Variants in WIPF3 observed in about 807,000 individuals in gnomAD.
WIPF3 encodes the protein WAS/WASL-interacting protein family member 3.
WIPF3 carries 33 observed loss-of-function variants against 38.9 expected under a neutral mutation model. The observed-to-expected ratio is 0.85, with a 90% CI of 0.64 to 1.14. The LOEUF (loss-of-function observed/expected upper bound fraction) is 1.14, where lower values mean the gene tolerates loss of function less well. Ranked by LOEUF, WIPF3 falls within the 50% of genes most tolerant of loss-of-function variation. WIPF3 has a pLI of 0.00. For missense variants in WIPF3, 711 were observed against 652.5 expected (o/e 1.09, Z -0.98); for synonymous variants, 324 against 269.3 (o/e 1.20, Z -1.99).
At chr7:29,900,444 C>T (rs1473985645) in intron 7 of WIPF3, among the ~76,000 whole-genome samples, 15 of 152,146 alleles carry the variant, frequency 9.9e-5, no homozygotes, top group Non-Finnish European at 1.5e-4. Flanking sequence ...AAGTGAGGTC[C>T]GCTGGTATGC....
chr7:29,831,231 G>A (rs765473277), intron 1 of WIPF3, among the ~76,000 whole-genome samples: 6 of 152,358 alleles, frequency 3.9e-5, no homozygotes, highest in African/African-American at 1.2e-4. Flanking sequence ...AGGCCGTGAT[G>A]TGCCTTATGG....
At chr7:29,841,828 A>G (rs1784917672) in intron 2 of WIPF3, among the ~76,000 whole-genome samples, 1 of 152,308 alleles carries the variant, frequency 6.6e-6, no homozygotes, top group Non-Finnish European at 1.5e-5. Flanking sequence ...ATAAAATCCA[A>G]TATCAATGTC....
At chr7:29,912,503 A>G (rs923233919) in intron 8 of WIPF3, 1 of 199,138 alleles carries the variant, frequency 5.0e-6, no homozygotes, top group African/African-American at 2.3e-5. Context: ...ATTATTTACA[A>G]TAGCTAAAAT....
intron 8 of WIPF3, among the ~76,000 whole-genome samples, chr7:29,911,448 A>C (rs778060262): frequency 3.3e-5 from 5 of 152,124 alleles, no homozygotes; most frequent in African/African-American, 7.2e-5. Context: ...ATGGAATCTC[A>C]AGGAACTCCT....
chr7:29,830,078 T>C (rs1042183230), intron 1 of WIPF3, among the ~76,000 whole-genome samples: 42 of 146,698 alleles, frequency 2.9e-4, no homozygotes, highest in African/African-American at 1.0e-3. Context: ...CTTCTTTAGA[T>C]AATTGCTTAA....
At position 29,806,536 on chromosome 7, in the gene WIPF3, G is replaced by A. The variant is rs1181893331; in HGVS notation, c.-200G>A. On this transcript the variant is annotated 5_prime_UTR_variant, in exon 1 of 9. Transcript: ENST00000242140. ...AGAGCCGGTGGCCGGGGAGCGAGCC[G>A]GGCGCACCGAGCGCAGCTCGGCGGT... 2 of 151,308 alleles carry A rather than the reference G, an allele frequency of 1.3e-5. No individual in the cohort carries two copies. Among genetic ancestry groups the A allele is most frequent in the African/African-American group, 4.8e-5 (2 of 41,340 alleles). 9.4% of individuals were successfully genotyped at this position (151,308 alleles called of 1,614,324 possible). A position where few individuals can be genotyped will look rare whatever the true frequency, so the allele number is the denominator to read the frequency against.
chr7:29,905,893 TATG>T (rs1786387424), intron 8 of WIPF3: 1 of 151,902 alleles, frequency 6.6e-6, no homozygotes, highest in Non-Finnish European at 1.5e-5. Context: ...CTACTACATA[TATG>T]ATGAAAATTA....
intron 1 of WIPF3, among the ~76,000 whole-genome samples, chr7:29,828,129 C>T (rs138226314): frequency 2.6e-5 from 4 of 152,216 alleles, no homozygotes; most frequent in Admixed American, 2.6e-4. Context: ...TGGCAGTAAT[C>T]TTTCTTGCTT....
intron 1 of WIPF3, among the ~76,000 whole-genome samples, 177 bp downstream of exon 1, chr7:29,806,855 G>A (rs1264598703): frequency 6.6e-6 from 1 of 151,340 alleles, no homozygotes; most frequent in African/African-American, 2.4e-5. Context: ...CCAGGAGGTT[G>A]TCGACGTGCC....
chr7:29,908,703 G>C (rs979597134), intron 8 of WIPF3, among the ~76,000 whole-genome samples: 1 of 152,026 alleles, frequency 6.6e-6, no homozygotes, highest in Non-Finnish European at 1.5e-5. Context: ...CTGAGGTCAG[G>C]AGTTCCAGAT....
At chr7:29,852,718 T>C (rs1162001062) in intron 2 of WIPF3, among the ~76,000 whole-genome samples, 2 of 152,204 alleles carry the variant, frequency 1.3e-5, no homozygotes, top group East Asian at 3.9e-4. Flanking sequence ...CTGCCAAATG[T>C]AGTTGCCCCC....
At chr7:29,853,164 G>T (rs945931576) in intron 2 of WIPF3, among the ~76,000 whole-genome samples, 11 of 152,190 alleles carry the variant, frequency 7.2e-5, no homozygotes, top group Non-Finnish European at 1.2e-4. Context: ...CACCCCTGCT[G>T]TATCCTGGAG....
chr7:29,903,324 TA>T (rs1207127679), intron 7 of WIPF3, among the ~76,000 whole-genome samples: 1 of 151,864 alleles, frequency 6.6e-6, no homozygotes, highest in Admixed American at 6.6e-5. Flanking sequence ...AATAAAATAA[TA>T]AAAAAACAGG....
In WIPF3 at chr7:29,890,169, G is replaced by A. The variant is rs1297947744; in HGVS notation, c.1351+762G>A. 2.0e-5 allele frequency among the ~76,000 whole-genome samples: 3 copies of A among 147,134 alleles called. No homozygotes were observed. The Admixed American group carries it at 2.0e-4, about 10-fold the overall frequency. On this transcript the variant is annotated intron_variant, in intron 7 of 8. Transcript: ENST00000242140. The stretch of plus-strand genomic sequence containing the variant: ...AGGCCAGGAGTTTAAGGCCAGCCTT[G>A]TCAACATAGCAAGATTCCATTTCTA...
At chr7:29,900,720 C>A (rs1330348899) in intron 7 of WIPF3, among the ~76,000 whole-genome samples, 1 of 152,230 alleles carries the variant, frequency 6.6e-6, no homozygotes, top group Non-Finnish European at 1.5e-5. Context: ...GGTCAGACAG[C>A]CCAACTCCTT....
At chr7:29,908,534 C>T (rs985714532) in intron 8 of WIPF3, among the ~76,000 whole-genome samples, 1 of 152,190 alleles carries the variant, frequency 6.6e-6, no homozygotes, top group African/African-American at 2.4e-5. Context: ...GCAGTATATA[C>T]ATTCTTCTTA....
At position 29,823,394 on chromosome 7, in the gene WIPF3, C is replaced by T. The variant is rs992055838; in HGVS notation, c.-57-11274C>T. On this transcript the variant is annotated intron_variant, in intron 1 of 8. Coordinates refer to ENST00000242140, the MANE Select transcript of WIPF3 (RefSeq NM_001080529.3). This position sits in a 1 kb window ranked among gnomAD's most constrained non-coding sequence, Gnocchi z 4.0. ...TTCAGAATATATTTTATTCCCACGC[C>T]GATAATGAGGTCTACCATTGGACAG... Among the ~76,000 whole-genome samples the T allele has an allele frequency of 2.0e-5, 3 of 152,140 alleles. No individual in the cohort carries two copies. Among genetic ancestry groups the T allele is most frequent in the Admixed American group, 6.5e-5 (1 of 15,270 alleles).
At chr7:29,847,081 G>T (rs1785012791) in intron 2 of WIPF3, among the ~76,000 whole-genome samples, 2 of 152,240 alleles carry the variant, frequency 1.3e-5, no homozygotes, top group African/African-American at 2.4e-5. Context: ...CTGAACAGGA[G>T]TATAGCAGGC....
Position 29,884,053 on chromosome 7 carries a change from C to G in WIPF3, c.559C>G (p.Pro187Ala). 7.1e-7 allele frequency: 1 copy of G among 1,406,194 alleles called. No homozygotes were observed. The highest frequency in any genetic ancestry group is 1.4e-5 in the South Asian group (1 of 69,892). 87.1% of individuals were successfully genotyped at this position (1,406,194 alleles called of 1,614,324 possible). A position where few individuals can be genotyped will look rare whatever the true frequency, so the allele number is the denominator to read the frequency against. Residue 187 changes from proline to alanine, a missense_variant, in exon 5 of 9, where the codon CCC (proline) becomes GCC (alanine). Transcript: ENST00000242140. Reference protein sequence around the residue: ...PTPPPPPPPLPPPLPSSSPIK... With the variant: ...PTPPPPPPPLAPPLPSSSPIK... ...CCCACCCCCTCCGCCTCCACCCTTA[C>G]CCCCGCCCCTTCCCTCTTCCTCCCC...
Sources: gnomAD v4.1 joint callset for allele counts (sites outside exome capture counted in the v4.1 genomes callset) on GRCh38, gnomAD v4.1.1 for gene constraint, Gnocchi (gnomAD v3.1) non-coding constraint, MANE v1.5 for transcripts, NCBI Gene and HGNC (gene_info 2026-07-23, HGNC 2026-07-21) for gene names.